Variants in PCDHGA2 observed in about 807,000 individuals in gnomAD.
PCDHGA2 encodes the protein protocadherin gamma subfamily A, 2.
In PCDHGA2, 40 loss-of-function variants were observed where a neutral mutation model predicts 59.2. The ratio of observed to expected loss-of-function variants is 0.68; its 90% CI spans 0.52 to 0.88. The LOEUF (loss-of-function observed/expected upper bound fraction) is 0.88. Ranked by LOEUF, PCDHGA2 falls within the 40% of genes least tolerant of loss-of-function variation. The pLI is 0.00. For synonymous variants in PCDHGA2, 560 were observed against 526.0 expected (o/e 1.06, Z -0.89); for missense variants, 1,226 against 1,204.0 (o/e 1.02, Z -0.27).
chr5:141,342,416 T>C (rs1367129355), intron 1 of PCDHGA2: 2 of 152,224 alleles, frequency 1.3e-5, no homozygotes, highest in African/African-American at 4.8e-5. Context: ...ATAAGCACAC[T>C]AATGTTCTAT....
At chr5:141,350,066 G>C (rs1199551431) in intron 1 of PCDHGA2, 18 of 416,512 alleles carry the variant, frequency 4.3e-5, no homozygotes, top group Non-Finnish European at 6.6e-5. Flanking sequence ...GGAAGTGAAG[G>C]CTTCTCAATT....
intron 1 of PCDHGA2, chr5:141,408,253 A>G (rs749487100): frequency 3.4e-4 from 550 of 1,599,220 alleles, no homozygotes; most frequent in Non-Finnish European, 4.4e-4. Flanking sequence ...GGCAGGTGCT[A>G]TTTCCTTTGC....
At chr5:141,400,777 T>G (rs2094073733) in intron 1 of PCDHGA2, 1 of 565,634 alleles carries the variant, frequency 1.8e-6, no homozygotes. Context: ...ATTTGGTGCG[T>G]TTTTTTGTCC....
At chr5:141,342,038 C>T (rs1489666499) in intron 1 of PCDHGA2, 2 of 152,738 alleles carry the variant, frequency 1.3e-5, no homozygotes, top group African/African-American at 2.4e-5. Context: ...AAGCTATATG[C>T]TTCTTGAAGA....
intron 1 of PCDHGA2, among the ~76,000 whole-genome samples, chr5:141,401,895 TC>T (rs2094205697): frequency 6.6e-6 from 1 of 152,224 alleles, no homozygotes; most frequent in Non-Finnish European, 1.5e-5. Context: ...GTGTTCTTTT[TC>T]CCAAATTATT....
chr5:141,364,772 G>T (rs764374918), intron 1 of PCDHGA2: 17 of 1,613,860 alleles, frequency 1.1e-5, no homozygotes, highest in African/African-American at 2.7e-5. Context: ...AAATGCGGCT[G>T]CAGGGACACG....
At chr5:141,411,955 A>G (rs1427605209) in intron 1 of PCDHGA2, 2 of 152,244 alleles carry the variant, frequency 1.3e-5, no homozygotes, top group Admixed American at 6.5e-5. Context: ...TTTGAAGAAA[A>G]AAGATAAAAT....
At position 141,357,621 on chromosome 5, in the gene PCDHGA2, G is replaced by A. The variant is rs746909809; in HGVS notation, c.2424+16226G>A. The stretch of plus-strand genomic sequence containing the variant: ...AAACAAAAGGAGACCCTAATCTTCA[G>A]GTGAGTCAATCTTATAATAGATCAT... On this transcript the variant is annotated intron_variant, in intron 1 of 3. Transcript: ENST00000394576. The A allele has an allele frequency of 1.9e-6, 3 of 1,613,788 alleles. No individual in the cohort carries two copies. In the South Asian group the frequency reaches 3.3e-5, roughly 18 times the overall value.
chr5:141,383,002 G>T lies in PCDHGA2; in HGVS notation c.2424+41607G>T, dbSNP rs376825891. On this transcript the variant is annotated intron_variant, in intron 1 of 3. Coordinates refer to ENST00000394576, the MANE Select transcript of PCDHGA2 (RefSeq NM_018915.4). ...CTGGGCAGGACGTATTCTCTACTCC[G>T]TGTCGGAGGAGACGGACAAAGGGTC... The T allele has an allele frequency of 1.2e-6, 2 of 1,613,650 alleles. No individual in the cohort carries two copies. Among genetic ancestry groups the T allele is most frequent in the African/African-American group, 1.3e-5 (1 of 74,948 alleles).
At chr5:141,447,121 T>C (rs1341601610) in intron 1 of PCDHGA2, among the ~76,000 whole-genome samples, 1 of 152,104 alleles carries the variant, frequency 6.6e-6, no homozygotes, top group Non-Finnish European at 1.5e-5. Flanking sequence ...CTCCATGGAT[T>C]TTTTTGTTTG....
At chr5:141,380,251 G>C (rs1158039296) in intron 1 of PCDHGA2, among the ~76,000 whole-genome samples, 1 of 152,122 alleles carries the variant, frequency 6.6e-6, no homozygotes, top group Non-Finnish European at 1.5e-5. Context: ...AATTGTCAAA[G>C]GGGAAGGAGT....
chr5:141,362,675 T>C (rs1187670127), intron 1 of PCDHGA2: 1 of 1,249,402 alleles, frequency 8.0e-7, no homozygotes, highest in Admixed American at 2.8e-5. Context: ...TGTGCCTTAA[T>C]TGTCTTAATC....
chr5:141,438,152 G>A (rs184819165), intron 1 of PCDHGA2, among the ~76,000 whole-genome samples: 1 of 152,250 alleles, frequency 6.6e-6, no homozygotes, highest in African/African-American at 2.4e-5. Flanking sequence ...CCAGCCTATG[G>A]CAAAGCTAAT....
chr5:141,389,649 G>T (rs760551875), intron 1 of PCDHGA2: 16 of 1,612,598 alleles, frequency 9.9e-6, no homozygotes, highest in Non-Finnish European at 1.4e-5. Flanking sequence ...GGTGACCAAG[G>T]TAGTGGCGGT....
At chr5:141,414,781 G>A (rs755811755) in intron 1 of PCDHGA2, 1 of 1,614,230 alleles carries the variant, frequency 6.2e-7, no homozygotes, top group Admixed American at 1.7e-5. Context: ...ACAGATGCAG[G>A]TGACAGCCAG....
intron 1 of PCDHGA2, chr5:141,360,682 A>G: frequency 1.2e-6 from 2 of 1,614,012 alleles, no homozygotes; most frequent in Non-Finnish European, 1.7e-6. Context: ...TCTCGCTGAG[A>G]AACAGACTCC....
Position 141,431,740 on chromosome 5 carries a change from T to C in PCDHGA2, c.2425-63067T>C. 6.2e-7 allele frequency: 1 copy of C among 1,614,230 alleles called. No individual in the cohort carries two copies. Among genetic ancestry groups the C allele is most frequent in the South Asian group, 1.1e-5 (1 of 91,088 alleles). On this transcript the variant is annotated intron_variant, in intron 1 of 3. Transcript: ENST00000394576. This position sits in a 1 kb window ranked among gnomAD's most constrained non-coding sequence, Gnocchi z 4.8. ...TGCAAGCAATGGATAATGCAGGATA[T>C]TCTGCGCGAGCCAAAGTCCTGATCA... is the stretch of plus-strand genomic sequence containing the variant.
At chr5:141,382,900 A>T (rs564801333) in intron 1 of PCDHGA2, 4 of 1,542,372 alleles carry the variant, frequency 2.6e-6, no homozygotes, top group Admixed American at 4.2e-5. Context: ...CAGGACGACT[A>T]TGGCGGCTCA....
rs944974638 is a variant in PCDHGA2, at chr5:141,393,886, A to C, written c.2424+52491A>C. 3.7e-6 allele frequency: 6 copies of C among 1,614,034 alleles called. No individual in the cohort carries two copies. In the East Asian group the frequency reaches 1.3e-4, roughly 36 times the overall value. On this transcript the variant is annotated intron_variant, in intron 1 of 3. Coordinates refer to ENST00000394576, the MANE Select transcript of PCDHGA2 (RefSeq NM_018915.4). ...ACGTCTTTGTTTAGCCCAGTGTTAG[A>C]AAATTCTCTTCCCGGGACAGTAATT...
Sources: allele counts gnomAD v4.1 joint callset (sites outside exome capture counted in the v4.1 genomes callset), GRCh38; gene constraint gnomAD v4.1.1; non-coding constraint Gnocchi (gnomAD v3.1); transcripts MANE v1.5; gene names NCBI Gene and HGNC (gene_info 2026-07-23, HGNC 2026-07-21).